Variants in ANKRD34C observed in about 807,000 individuals in gnomAD.
ANKRD34C encodes the protein ankyrin repeat domain-containing protein 34C.
For missense variants in ANKRD34C, 563 were observed against 653.0 expected (o/e 0.86, Z 1.50); for synonymous variants, 260 against 253.6 (o/e 1.03, Z -0.24).
chr15:79,284,852 T>C (rs981427015), intron 1 of ANKRD34C, among the ~76,000 whole-genome samples: 2 of 152,230 alleles, frequency 1.3e-5, no homozygotes, highest in Non-Finnish European at 2.9e-5. Flanking sequence ...CTCCCGCCTC[T>C]CTAGCTTATA....
At chr15:79,287,947 G>T (rs2058649577) in intron 1 of ANKRD34C, among the ~76,000 whole-genome samples, 1 of 152,232 alleles carries the variant, frequency 6.6e-6, no homozygotes, top group East Asian at 1.9e-4. Context: ...GGTTGAGTCA[G>T]CCCTGCACAT....
intron 1 of ANKRD34C, among the ~76,000 whole-genome samples, chr15:79,291,682 C>A (rs750815338): frequency 6.7e-6 from 1 of 150,222 alleles, no homozygotes; most frequent in African/African-American, 2.5e-5. Flanking sequence ...GAGACAGAAA[C>A]GGAGACTTGT....
At chr15:79,290,796 TA>T (rs2058657115) in intron 1 of ANKRD34C, among the ~76,000 whole-genome samples, 1 of 152,176 alleles carries the variant, frequency 6.6e-6, no homozygotes, top group Non-Finnish European at 1.5e-5. Context: ...ACCACAGGTA[TA>T]AACCTAGGCA....
rs750040034 is a variant in ANKRD34C at position 79,293,754 on chromosome 15, C to G, written c.470C>G (p.Ser157Trp). 6 of 1,551,580 alleles carry G rather than the reference C, an allele frequency of 3.9e-6. No homozygotes were observed. The African/African-American group carries it at 6.8e-5, about 18-fold the overall frequency. Reference sequence around the variant, plus strand: ...GTGATTATTATAACAACAGATAAATCGTCTTCAGGCACCAAAACCACCAAA... The same window carrying G: ...GTGATTATTATAACAACAGATAAATGGTCTTCAGGCACCAAAACCACCAAA... The part of the protein sequence containing the change: ...KEVIIITTDK[S>W]SSGTKTTKQY... Residue 157 changes from serine to tryptophan, a missense_variant, in exon 2 of 2, where the codon TCG (serine) becomes TGG (tryptophan). Ser to Trp is a radical substitution (Grantham distance 177, BLOSUM62 -3). Transcript: ENST00000421388.
rs2089079842 is a variant in ANKRD34C, at chr15:79,294,364, A to G, written c.1080A>G (p.Pro360=). The change falls in exon 2 of 2, where the codon CCA becomes CCG. Residue 360 remains proline (P), a synonymous_variant. Coordinates refer to ENST00000421388, the MANE Select transcript of ANKRD34C (RefSeq NM_001146341.2). ...PVDQEKCGMG[P]SGPSALKEPA... is the part of the protein sequence containing the mutation. ...ACCAAGAGAAATGTGGTATGGGTCC[A>G]TCAGGACCCTCTGCTCTCAAAGAGC... The G allele has an allele frequency of 1.3e-6, 2 of 1,551,664 alleles. No individual in the cohort carries two copies. The highest frequency in any genetic ancestry group is 1.7e-6 in the Non-Finnish European group (2 of 1,146,972).
In ANKRD34C at chr15:79,297,488, T is replaced by C. The variant is rs946564022; in HGVS notation, c.*2596T>C. The stretch of plus-strand genomic sequence containing the variant: ...AGCTTAGGTGACACACCAAACATGA[T>C]GAGTTGCTCATTCAGGATAGCCGGT... On this transcript the variant is annotated 3_prime_UTR_variant, in exon 2 of 2. Coordinates refer to ENST00000421388, the MANE Select transcript of ANKRD34C (RefSeq NM_001146341.2). 8 of 167,100 alleles carry C rather than the reference T, an allele frequency of 4.8e-5. No homozygotes were observed. The highest frequency in any genetic ancestry group is 9.6e-5 in the African/African-American group (4 of 41,464). The allele number at this position is 167,100 out of a possible 1,614,324, so 10.4% of individuals were successfully genotyped here.
chr15:79,293,296 T>C lies in ANKRD34C; in HGVS notation c.12T>C (p.Asp4=). Residue 4 remains aspartate (D), a synonymous_variant, in exon 2 of 2, where the codon GAT becomes GAC. Transcript: ENST00000421388. MMD[D]DTELRTDGNS... ...AAACTGTAGCCAATATGATGGATGA[T>C]GACACTGAATTAAGGACTGATGGAA... 6.6e-7 allele frequency: 1 copy of C among 1,519,060 alleles called. No homozygotes were observed. The highest frequency in any genetic ancestry group is 8.8e-7 in the Non-Finnish European group (1 of 1,131,278). 94.1% of individuals were successfully genotyped at this position (1,519,060 alleles called of 1,614,324 possible).
Position 79,293,648 on chromosome 15 carries a change from G to A in ANKRD34C, c.364G>A (p.Ala122Thr). 6.4e-7 allele frequency: 1 copy of A among 1,551,696 alleles called. No individual in the cohort carries two copies. The highest frequency in any genetic ancestry group is 8.7e-7 in the Non-Finnish European group (1 of 1,146,996). Residue 122 changes from alanine to threonine, a missense_variant, in exon 2 of 2, where the codon GCT becomes ACT. By Grantham distance (58) the Ala-to-Thr change is moderately conservative (BLOSUM62 0). Transcript: ENST00000421388. Reference protein sequence around the residue: ...PSLEDRTGASALVYAINADDK... With the variant: ...PSLEDRTGASTLVYAINADDK... ...CCTTGAAGATCGCACTGGGGCTTCA[G>A]CTCTGGTTTATGCAATAAATGCAGA... is the stretch of plus-strand genomic sequence containing the variant.
rs541809367 is a variant in ANKRD34C at position 79,287,739 on chromosome 15, A to G, written c.-45+4511A>G. ...CAAAGTCAGTTGAAACTTCAGAGGA[A>G]GGAGGAAAAGTACTCTCTCCCTGCC... On this transcript the variant is annotated intron_variant, in intron 1 of 1. Transcript: ENST00000421388. Among the ~76,000 whole-genome samples the G allele has an allele frequency of 9.8e-5, 15 of 152,324 alleles. No homozygotes were observed. The South Asian group carries it at 2.9e-3, about 29-fold the overall frequency.
rs1596040939 is a variant in ANKRD34C at position 79,294,475 on chromosome 15, A to G, written c.1191A>G (p.Glu397=). The G allele has an allele frequency of 6.4e-7, 1 of 1,551,684 alleles. No homozygotes were observed. Among genetic ancestry groups the G allele is most frequent in the South Asian group, 1.2e-5 (1 of 84,052 alleles). Residue 397 remains glutamate (E), a synonymous_variant, in exon 2 of 2, where the codon GAA becomes GAG. Coordinates refer to ENST00000421388, the MANE Select transcript of ANKRD34C (RefSeq NM_001146341.2). ...GPDPPNSISL[E]SGKGPLDRKK... is the part of the protein sequence containing the mutation. ...ACCCTCCCAACTCCATTTCCCTTGA[A>G]TCCGGCAAAGGACCTTTAGATAGAA...
intron 1 of ANKRD34C, among the ~76,000 whole-genome samples, chr15:79,292,026 G>T (rs1368117522): frequency 6.6e-6 from 1 of 152,278 alleles, no homozygotes; most frequent in Admixed American, 6.5e-5. Context: ...ACCAAGAAAA[G>T]CTTTTGCCTT....
At position 79,282,890 on chromosome 15, in the gene ANKRD34C, C is replaced by T. The variant is rs2058632072; in HGVS notation, c.-383C>T. Among the ~76,000 whole-genome samples, 1 of 152,106 alleles carries T rather than the reference C, an allele frequency of 6.6e-6. No homozygotes were observed. Among genetic ancestry groups the T allele is most frequent in the Admixed American group, 6.5e-5 (1 of 15,284 alleles). Reference sequence around the variant, plus strand: ...GGGCGATTCCTATCTTTCTTTCATGCTTCTTTCTTTTTCTTAAAACCAAAC... The same window carrying T: ...GGGCGATTCCTATCTTTCTTTCATGTTTCTTTCTTTTTCTTAAAACCAAAC... On this transcript the variant is annotated 5_prime_UTR_variant, in exon 1 of 2. Transcript: ENST00000421388.
At chr15:79,285,756 A>G (rs1057092615) in intron 1 of ANKRD34C, among the ~76,000 whole-genome samples, 1 of 152,230 alleles carries the variant, frequency 6.6e-6, no homozygotes, top group African/African-American at 2.4e-5. Context: ...AAGAAAATTT[A>G]AAGCACAGTG....
rs1450005020 is a variant in ANKRD34C at position 79,293,773 on chromosome 15, C to A, written c.489C>A (p.Thr163=). The A allele has an allele frequency of 6.4e-7, 1 of 1,551,714 alleles. No individual in the cohort carries two copies. Among genetic ancestry groups the A allele is most frequent in the Admixed American group, 2.0e-5 (1 of 51,006 alleles). Reference sequence around the variant, plus strand: ...ATAAATCGTCTTCAGGCACCAAAACCACCAAACAGTATCTTAATGTCCCTC... The same window carrying A: ...ATAAATCGTCTTCAGGCACCAAAACAACCAAACAGTATCTTAATGTCCCTC... ...TTDKSSSGTK[T]TKQYLNVPPS... Residue 163 remains threonine, a synonymous_variant, in exon 2 of 2, where the codon ACC becomes ACA. Transcript: ENST00000421388.
In ANKRD34C at chr15:79,293,854, C is replaced by T. The variant is rs1044161117; in HGVS notation, c.570C>T (p.Asp190=). The change falls in exon 2 of 2, where the codon GAC becomes GAT. Residue 190 remains aspartate, a synonymous_variant. Coordinates refer to ENST00000421388, the MANE Select transcript of ANKRD34C (RefSeq NM_001146341.2). ...CTCCACTGTGTGCGTCTCCCTCTGA[C>T]ATAGAGCTGAAGGCTCTAGGCCTGG... ...HSPPLCASPS[D]IELKALGLDS... 12 of 1,551,720 alleles carry T rather than the reference C, an allele frequency of 7.7e-6. No homozygotes were observed. Among genetic ancestry groups the T allele is most frequent in the Non-Finnish European group, 1.0e-5 (12 of 1,146,986 alleles).
Position 79,294,773 on chromosome 15 carries a change from G to T in ANKRD34C, c.1489G>T (p.Val497Phe), listed in dbSNP as rs1272285448. ...TAGTGGCTTAAAATCTATGGTTCCTGTTGCTCCAAGTTCACCAAAGAGAGT... is the reference window on the plus strand; with the variant it reads ...TAGTGGCTTAAAATCTATGGTTCCTTTTGCTCCAAGTTCACCAAAGAGAGT... ...LASGLKSMVP[V>F]APSSPKRVDL... The change falls in exon 2 of 2, where the codon GTT becomes TTT. Residue 497 changes from valine to phenylalanine, a missense_variant. By Grantham distance (50) the Val-to-Phe change is conservative. Coordinates refer to ENST00000421388, the MANE Select transcript of ANKRD34C (RefSeq NM_001146341.2). The T allele has an allele frequency of 6.4e-7, 1 of 1,551,706 alleles. No homozygotes were observed. Among genetic ancestry groups the T allele is most frequent in the Non-Finnish European group, 8.7e-7 (1 of 1,146,996 alleles).
rs1490163727 is a variant in ANKRD34C, at chr15:79,298,047, T to G, written c.*3155T>G. The G allele has an allele frequency of 6.0e-6, 1 of 167,024 alleles. No homozygotes were observed. The highest frequency in any genetic ancestry group is 1.5e-5 in the Non-Finnish European group (1 of 68,102). 10.3% of individuals were successfully genotyped at this position (167,024 alleles called of 1,614,324 possible). A position where few individuals can be genotyped will look rare whatever the true frequency, so the allele number is the denominator to read the frequency against. On this transcript the variant is annotated 3_prime_UTR_variant, in exon 2 of 2. Transcript: ENST00000421388. ...TCAAGTAAATGGTACCTTGCAAATG[T>G]AGGTTGTGTCTGACCTTCTTTCTTT...
In ANKRD34C at chr15:79,288,812, C is replaced by CTTT. The variant is rs60075615; in HGVS notation, c.-44-4406_-44-4404dup. On this transcript the variant is annotated intron_variant, in intron 1 of 1. Coordinates refer to ENST00000421388, the MANE Select transcript of ANKRD34C (RefSeq NM_001146341.2). ...ACAGCAGTCTTTTAAGCCCAGTATT[C>CTTT]TTTTTTTTTTTTTTTTTTTTTTTTT... Among the ~76,000 whole-genome samples the CTTT allele has an allele frequency of 5.3e-3, 294 of 55,528 alleles. 2 individuals carry two copies. Among genetic ancestry groups the CTTT allele is most frequent in the East Asian group, 0.016 (26 of 1,612 alleles). 36.4% of individuals were successfully genotyped at this position (55,528 alleles called of 152,430 possible). A position where few individuals can be genotyped will look rare whatever the true frequency, so the allele number is the denominator to read the frequency against.
Position 79,294,268 on chromosome 15 carries a change from C to A in ANKRD34C, c.984C>A (p.Ser328=). Residue 328 remains serine (S), a synonymous_variant, in exon 2 of 2, where the codon TCC becomes TCA. Coordinates refer to ENST00000421388, the MANE Select transcript of ANKRD34C (RefSeq NM_001146341.2). ...TTCCAGTCTCTTCAGCACCGGCATC[C>A]TGGAAAGCAGCCTATGAGAAAGGTC... is the stretch of plus-strand genomic sequence containing the variant. ...LKIPVSSAPA[S]WKAAYEKGQA... The A allele has an allele frequency of 1.3e-6, 2 of 1,551,658 alleles. No individual in the cohort carries two copies. The highest frequency in any genetic ancestry group is 1.7e-6 in the Non-Finnish European group (2 of 1,146,958).
Sources: allele counts gnomAD v4.1 joint callset (sites outside exome capture counted in the v4.1 genomes callset), GRCh38; gene constraint gnomAD v4.1.1; transcripts MANE v1.5; gene names NCBI Gene and HGNC (gene_info 2026-07-23, HGNC 2026-07-21).